VPS13D: variants seen among roughly 807,000 people sequenced by gnomAD.
VPS13D encodes the protein vacuolar protein sorting 13 homolog D, also known as intermembrane lipid transfer protein VPS13D.
VPS13D carries 187 observed loss-of-function variants against 461.9 expected under a neutral mutation model. The ratio of observed to expected loss-of-function variants is 0.40; its 90% CI spans 0.36 to 0.46. The LOEUF is 0.46. Ranked by LOEUF, VPS13D falls within the 20% of genes least tolerant of loss-of-function variation. VPS13D has a pLI of 0.60. For missense variants in VPS13D, 4,711 were observed against 5,364.9 expected (o/e 0.88, Z 3.81); for synonymous variants, 1,951 against 1,986.3 (o/e 0.98, Z 0.47).
At chr1:12,304,401 C>G (rs1642504509) in intron 25 of VPS13D, 105 bp from the exon 26 acceptor site, 3 of 1,044,596 alleles carry the variant, frequency 2.9e-6, no homozygotes, top group South Asian at 3.1e-5. Flanking sequence ...TTTGAAGACC[C>G]TAGGGACTGG....
chr1:12,250,001 A>T (rs1640683666), intron 6 of VPS13D, among the ~76,000 whole-genome samples: 1 of 152,144 alleles, frequency 6.6e-6, no homozygotes, highest in South Asian at 2.1e-4. Context: ...GGTGCTTCTG[A>T]CTAGAAGTTG....
At position 12,507,133 on chromosome 1, in the gene VPS13D, C is replaced by T. The variant is rs759363955; in HGVS notation, c.13035+40C>T. On this transcript the variant is annotated intron_variant, in intron 69 of 69. Coordinates refer to ENST00000620676, the MANE Select transcript of VPS13D (RefSeq NM_015378.4). This position sits in a 1 kb window ranked among gnomAD's most constrained non-coding sequence, Gnocchi z 5.3. ...GTTCTCAGGCTCCTGAGGGGCGGGG[C>T]CAGGGCCTCGATGCCTCTGCCCTGC... The T allele has an allele frequency of 2.5e-6, 4 of 1,611,972 alleles. No homozygotes were observed. Among genetic ancestry groups the T allele is most frequent in the East Asian group, 2.2e-5 (1 of 44,856 alleles).
chr1:12,269,077 C>G (rs1348404992), intron 16 of VPS13D, among the ~76,000 whole-genome samples: 1 of 152,130 alleles, frequency 6.6e-6, no homozygotes, highest in Non-Finnish European at 1.5e-5. Flanking sequence ...AAATCTATAT[C>G]CTTAAATATT....
At chr1:12,446,794 T>C (rs1367289336) in intron 65 of VPS13D, among the ~76,000 whole-genome samples, 1 of 152,210 alleles carries the variant, frequency 6.6e-6, no homozygotes, top group Non-Finnish European at 1.5e-5. Flanking sequence ...GCAGCACCTC[T>C]TGAAATCACT....
chr1:12,394,807 C>T (rs995317439), intron 60 of VPS13D, among the ~76,000 whole-genome samples: 11 of 152,112 alleles, frequency 7.2e-5, no homozygotes, highest in African/African-American at 2.7e-4. Flanking sequence ...TTCAGCTAAC[C>T]AAGTAAATAA....
intron 63 of VPS13D, among the ~76,000 whole-genome samples, chr1:12,413,806 A>G (rs1644761833): frequency 6.6e-6 from 1 of 150,574 alleles, no homozygotes; most frequent in African/African-American, 2.4e-5. Flanking sequence ...AACGATCTAT[A>G]CCAAGTGTTG....
At chr1:12,434,547 G>A (rs1645034646) in intron 65 of VPS13D, among the ~76,000 whole-genome samples, 2 of 152,136 alleles carry the variant, frequency 1.3e-5, no homozygotes, top group African/African-American at 4.8e-5. Context: ...TCATTTGAAA[G>A]TGTTTGATTT....
chr1:12,397,497 A>G (rs1243612665), intron 60 of VPS13D, among the ~76,000 whole-genome samples: 1 of 152,166 alleles, frequency 6.6e-6, no homozygotes, highest in African/African-American at 2.4e-5. Flanking sequence ...CGAGCCCTTT[A>G]TTGCCATTTC....
chr1:12,496,873 G>A (rs563271154), intron 67 of VPS13D, among the ~76,000 whole-genome samples: 1 of 152,282 alleles, frequency 6.6e-6, no homozygotes, highest in African/African-American at 2.4e-5. Flanking sequence ...CCAGGTCCAG[G>A]TCCAGGTCCA....
At chr1:12,278,618 G>A (rs956136022) in intron 19 of VPS13D, among the ~76,000 whole-genome samples, 1 of 152,148 alleles carries the variant, frequency 6.6e-6, no homozygotes, top group African/African-American at 2.4e-5. Context: ...AACTGTATGA[G>A]TGCTCATTTA....
At chr1:12,480,649 G>T (rs765819205) in intron 67 of VPS13D, among the ~76,000 whole-genome samples, 11 of 152,114 alleles carry the variant, frequency 7.2e-5, no homozygotes, top group Non-Finnish European at 1.5e-4. Flanking sequence ...ATGTATTTAA[G>T]GTTAAATTGT....
Position 12,353,998 on chromosome 1 carries a change from G to A in VPS13D, c.9456G>A (p.Glu3152=). ...FFRFCVAIKK[E]NYPDYMPSNI... ...GGTTTTGTGTGGCTATAAAGAAAGA[G>A]AATTATCCAGATTATATGCCCTCAA... is the stretch of plus-strand genomic sequence containing the variant. Residue 3152 remains glutamate, a synonymous_variant, in exon 47 of 70, where the codon GAG becomes GAA. Transcript: ENST00000620676. 1 of 1,614,032 alleles carries A rather than the reference G, an allele frequency of 6.2e-7. No individual in the cohort carries two copies. The highest frequency in any genetic ancestry group is 8.5e-7 in the Non-Finnish European group (1 of 1,179,966).
intron 63 of VPS13D, among the ~76,000 whole-genome samples, chr1:12,407,693 A>C (rs966756161): frequency 2.6e-5 from 4 of 152,194 alleles, no homozygotes; most frequent in African/African-American, 9.7e-5. Context: ...GCAGTAAATG[A>C]CTAGGTAAGG....
chr1:12,349,066 A>G lies in VPS13D; in HGVS notation c.9220+93A>G, dbSNP rs569487165. 2.3e-3 allele frequency: 3,761 copies of G among 1,608,470 alleles called. 4 individuals carry two copies. Among genetic ancestry groups the G allele is most frequent in the Non-Finnish European group, 2.9e-3 (3,373 of 1,175,974 alleles). On this transcript the variant is annotated intron_variant, in intron 45 of 69. Transcript: ENST00000620676. ...TTTCCCCAGTGGTATCTTCCCCAGC[A>G]GTCAGTATATATGGTCTGTCTTCTT... is the stretch of plus-strand genomic sequence containing the variant.
chr1:12,310,493 C>T (rs1435769185), intron 27 of VPS13D, among the ~76,000 whole-genome samples: 1 of 151,986 alleles, frequency 6.6e-6, no homozygotes, highest in East Asian at 1.9e-4. Context: ...GATGTGTGCC[C>T]CTCCCCCTCT....
At chr1:12,350,136 A>G (rs542021701) in intron 46 of VPS13D, among the ~76,000 whole-genome samples, 8 of 152,346 alleles carry the variant, frequency 5.3e-5, no homozygotes, top group African/African-American at 1.9e-4. Flanking sequence ...TCAGTAATTT[A>G]TAGAACAAAG....
Position 12,503,782 on chromosome 1 carries a change from C to T in VPS13D, c.12795-3071C>T, listed in dbSNP as rs575875011. On this transcript the variant is annotated intron_variant, in intron 68 of 69. Coordinates refer to ENST00000620676, the MANE Select transcript of VPS13D (RefSeq NM_015378.4). ...GAGGTTTTTCCAACAGTCACTCATTCGTGGACCAAAAGCAGGCCTTGCGGG... is the reference window on the plus strand; with the variant it reads ...GAGGTTTTTCCAACAGTCACTCATTTGTGGACCAAAAGCAGGCCTTGCGGG... Among the ~76,000 whole-genome samples the T allele has an allele frequency of 3.2e-4, 49 of 152,246 alleles. 1 individual carries two copies. Among genetic ancestry groups the T allele is most frequent in the Non-Finnish European group, 5.7e-4 (39 of 68,022 alleles).
At chr1:12,409,434 T>A (rs972654398) in intron 63 of VPS13D, among the ~76,000 whole-genome samples, 8 of 152,182 alleles carry the variant, frequency 5.3e-5, no homozygotes, top group Non-Finnish European at 2.9e-5. Context: ...GAAATGTCAT[T>A]AAGTTGCACA....
At chr1:12,389,779 T>A (rs924579648) in intron 60 of VPS13D, among the ~76,000 whole-genome samples, 1 of 152,192 alleles carries the variant, frequency 6.6e-6, no homozygotes, top group African/African-American at 2.4e-5. Flanking sequence ...ACCCAAACCT[T>A]CCTTCCTGAG....
Sources: gnomAD v4.1 joint callset for allele counts (sites outside exome capture counted in the v4.1 genomes callset) on GRCh38, gnomAD v4.1.1 for gene constraint, Gnocchi (gnomAD v3.1) non-coding constraint, MANE v1.5 for transcripts, NCBI Gene and HGNC (gene_info 2026-07-23, HGNC 2026-07-21) for gene names.